Variants in RANBP2 observed in about 807,000 individuals in gnomAD.
The protein encoded by RANBP2 is RAN binding protein 2.
Under a neutral mutation model 303.6 loss-of-function variants are expected in RANBP2, and 57 were observed. The ratio of observed to expected loss-of-function variants is 0.19; its 90% CI spans 0.15 to 0.23. The LOEUF is 0.23. Among genes scored for constraint, RANBP2 ranks in the 10% least tolerant of loss-of-function variants. The pLI is 1.00. For synonymous variants in RANBP2, 1,167 were observed against 1,301.5 expected (o/e 0.90, Z 2.23); for missense variants, 3,138 against 3,780.8 (o/e 0.83, Z 4.46).
the RANBP2 span, among the ~76,000 whole-genome samples, chr2:109,687,336 T>C: frequency 6.6e-6 from 1 of 152,168 alleles, no homozygotes; most frequent in African/African-American, 2.4e-5. Flanking sequence ...TAGTCCCCAT[T>C]TGATTTTTGA....
At chr2:109,437,042 C>T in the RANBP2 span, 1 of 1,613,846 alleles carries the variant, frequency 6.2e-7, no homozygotes, top group Non-Finnish European at 8.5e-7. Flanking sequence ...ATCACCACTC[C>T]CCAGGCCCAC....
chr2:108,752,486 G>A lies in RANBP2; in HGVS notation c.1755+492G>A, dbSNP rs566212190. Among the ~76,000 whole-genome samples the A allele has an allele frequency of 2.0e-5, 3 of 151,896 alleles. No homozygotes were observed. The South Asian group carries it at 6.2e-4, about 32-fold the overall frequency. ...CATTAGAAGCGTTTAAAAGTTGAGT[G>A]TAGAGGCCGGGTGCGGTGGCTCACA... On this transcript the variant is annotated intron_variant, in intron 12 of 28. Coordinates refer to ENST00000283195, the MANE Select transcript of RANBP2 (RefSeq NM_006267.5).
the RANBP2 span, among the ~76,000 whole-genome samples, chr2:109,007,011 C>T: frequency 6.6e-6 from 1 of 152,058 alleles, no homozygotes; most frequent in Non-Finnish European, 1.5e-5. Context: ...TGTAGGGGAA[C>T]GGGCTGGGGA....
chr2:109,305,980 CACAGTAGATCTGGGCAT>C, the RANBP2 span, among the ~76,000 whole-genome samples: 1 of 152,216 alleles, frequency 6.6e-6, no homozygotes, highest in African/African-American at 2.4e-5. Flanking sequence ...ATTTAGTGAG[CACAGTAGATCTGGGCAT>C]TACAGAGCTA....
At chr2:109,279,237 T>C in the RANBP2 span, among the ~76,000 whole-genome samples, 1 of 152,216 alleles carries the variant, frequency 6.6e-6, no homozygotes, top group Admixed American at 6.5e-5. Flanking sequence ...AGAGCCCTGC[T>C]GACTTCTGAA....
the RANBP2 span, among the ~76,000 whole-genome samples, chr2:109,087,945 G>C: frequency 6.6e-6 from 1 of 152,284 alleles, no homozygotes; most frequent in South Asian, 2.1e-4. Flanking sequence ...GTGTGGCCTT[G>C]AGCAACTTGT....
At chr2:109,616,219 C>A in the RANBP2 span, 1 of 1,237,542 alleles carries the variant, frequency 8.1e-7, no homozygotes, top group Non-Finnish European at 1.0e-6. Flanking sequence ...TTCAGGCTAG[C>A]CTTCTGGGAA....
the RANBP2 span, among the ~76,000 whole-genome samples, chr2:108,935,168 C>T: frequency 7.2e-5 from 11 of 152,184 alleles, no homozygotes; most frequent in Non-Finnish European, 1.2e-4. Context: ...TTCTCTTCCC[C>T]GACCTGCTCT....
the RANBP2 span, among the ~76,000 whole-genome samples, chr2:109,658,460 AG>A: frequency 6.6e-6 from 1 of 152,234 alleles, no homozygotes; most frequent in Non-Finnish European, 1.5e-5. Context: ...AAAAAGAAAA[AG>A]ATATAAATCA....
At chr2:109,015,144 A>C in the RANBP2 span, among the ~76,000 whole-genome samples, 3 of 123,030 alleles carry the variant, frequency 2.4e-5, no homozygotes, top group African/African-American at 9.3e-5. Flanking sequence ...AAAAAAAAAA[A>C]AAAAAAAAAA....
the RANBP2 span, among the ~76,000 whole-genome samples, chr2:108,969,492 C>T: frequency 6.6e-6 from 1 of 152,182 alleles, no homozygotes; most frequent in South Asian, 2.1e-4. Context: ...CAGGTCCTGG[C>T]CCCGAGGACT....
the RANBP2 span, among the ~76,000 whole-genome samples, chr2:109,182,340 T>G: frequency 1.3e-5 from 2 of 152,174 alleles, no homozygotes; most frequent in Non-Finnish European, 2.9e-5. Context: ...ACTAGCCCAC[T>G]CCCATGACAA....
At chr2:109,002,037 G>A in the RANBP2 span, among the ~76,000 whole-genome samples, 2 of 152,240 alleles carry the variant, frequency 1.3e-5, no homozygotes, top group Non-Finnish European at 1.5e-5. Context: ...GCCCATTAAA[G>A]CCTTTAACGG....
At chr2:109,206,029 A>G in the RANBP2 span, among the ~76,000 whole-genome samples, 5 of 152,170 alleles carry the variant, frequency 3.3e-5, no homozygotes, top group Non-Finnish European at 7.3e-5. Context: ...AACCTGGTGA[A>G]CTGTCACTTG....
the RANBP2 span, among the ~76,000 whole-genome samples, chr2:109,250,064 T>C: frequency 6.6e-6 from 1 of 151,776 alleles, no homozygotes; most frequent in African/African-American, 2.4e-5. Flanking sequence ...ACATCAGTGT[T>C]TTTGAGGGCA....
chr2:109,556,200 G>A, the RANBP2 span, among the ~76,000 whole-genome samples: 1 of 152,150 alleles, frequency 6.6e-6, no homozygotes, highest in Admixed American at 6.5e-5. Context: ...GAATTTTGGA[G>A]GTATAATAAG....
chr2:109,036,823 C>T, the RANBP2 span, among the ~76,000 whole-genome samples: 1 of 152,044 alleles, frequency 6.6e-6, no homozygotes, highest in African/African-American at 2.4e-5. Flanking sequence ...GCCTGGGCAA[C>T]ATGGCAAAAC....
chr2:108,994,858 C>T, the RANBP2 span, among the ~76,000 whole-genome samples: 1 of 128,006 alleles, frequency 7.8e-6, no homozygotes, highest in Non-Finnish European at 1.6e-5. Flanking sequence ...GAGACAGAGT[C>T]TCGCTCTGTC....
the RANBP2 span, among the ~76,000 whole-genome samples, chr2:109,221,167 G>A: frequency 6.6e-6 from 1 of 152,208 alleles, no homozygotes; most frequent in Non-Finnish European, 1.5e-5. Context: ...CATGCACAGA[G>A]GAACCATGGA....
Sources: gnomAD v4.1 joint callset for allele counts (sites outside exome capture counted in the v4.1 genomes callset) on GRCh38, gnomAD v4.1.1 for gene constraint, MANE v1.5 for transcripts, NCBI Gene and HGNC (gene_info 2026-07-23, HGNC 2026-07-21) for gene names.